NAPG: variants seen among roughly 807,000 people sequenced by gnomAD.
NAPG encodes the protein NSF attachment protein gamma.
In NAPG, 25 loss-of-function variants were observed where a neutral mutation model predicts 48.4. That is an observed-to-expected ratio of 0.52 (90% confidence interval 0.38 to 0.72). The LOEUF (loss-of-function observed/expected upper bound fraction) is 0.72, where lower values mean the gene tolerates loss of function less well. NAPG is among the 30% of genes least tolerant of loss of function. The pLI is 0.00. For missense variants in NAPG, 359 were observed against 372.5 expected, an observed-to-expected ratio of 0.96 and a Z score of 0.30; for synonymous variants, 139 against 127.2, an observed-to-expected ratio of 1.09 and a Z score of -0.62.
chr18:10,526,246 G>GGGGGGGGGGGCT, intron 1 of NAPG, 88 bp downstream of exon 1: 2 of 490,184 alleles, frequency 4.1e-6, no homozygotes, highest in Non-Finnish European at 8.3e-6. Context: ...GGGCGGGAGG[G>GGGGGGGGGGGCT]AGGGCTCAGG....
chr18:10,552,179 T>G lies in NAPG; in HGVS notation c.*1959T>G, dbSNP rs2032411426. ...AAATTTTTTAATTTTACTCTTCTTA[T>G]GTACTGAAAACTTTTTTTAAAAAAG... On this transcript the variant is annotated 3_prime_UTR_variant, in exon 12 of 12. Transcript: ENST00000322897. The G allele has an allele frequency of 6.6e-6, 1 of 152,240 alleles. No individual in the cohort carries two copies. Among genetic ancestry groups the G allele is most frequent in the Non-Finnish European group, 1.5e-5 (1 of 68,040 alleles). 9.4% of individuals were successfully genotyped at this position (152,240 alleles called of 1,614,324 possible).
intron 8 of NAPG, 126 bp downstream of exon 8, chr18:10,540,525 A>G: frequency 3.1e-6 from 2 of 639,442 alleles, no homozygotes; most frequent in Non-Finnish European, 5.4e-6. Context: ...CAGGCCACAC[A>G]ATAGAATATT....
intron 5 of NAPG, among the ~76,000 whole-genome samples, chr18:10,537,228 G>A (rs374097314): frequency 3.3e-5 from 5 of 152,034 alleles, no homozygotes; most frequent in Admixed American, 2.6e-4. Context: ...CAAAGTGCTG[G>A]GATTATAGGC....
chr18:10,530,914 T>A, intron 2 of NAPG, 77 bp downstream of exon 2: 2 of 1,135,830 alleles, frequency 1.8e-6, no homozygotes, highest in Non-Finnish European at 2.4e-6. Flanking sequence ...CCATAATACT[T>A]ACTCATATGC....
chr18:10,542,227 G>GTT lies in NAPG; in HGVS notation c.506+1839_506+1840dup, dbSNP rs565825734. ...TTTTATTCGTGACTTTGTTTTATTGGTTTTTTTTTTTTCTTTTTAGGAAAA... is the reference window on the plus strand; with the variant it reads ...TTTTATTCGTGACTTTGTTTTATTGGTTTTTTTTTTTTTTCTTTTTAGGAAAA... On this transcript the variant is annotated intron_variant, in intron 8 of 11. Transcript: ENST00000322897. This position sits in a 1 kb window ranked among gnomAD's most constrained non-coding sequence, Gnocchi z 4.5. 6.9e-6 allele frequency among the ~76,000 whole-genome samples: 1 copy of GTT among 144,994 alleles called. No individual in the cohort carries two copies. The highest frequency in any genetic ancestry group is 1.5e-5 in the Non-Finnish European group (1 of 65,620).
At chr18:10,545,208 AG>A (rs2032238070) in intron 8 of NAPG, among the ~76,000 whole-genome samples, 1 of 152,064 alleles carries the variant, frequency 6.6e-6, no homozygotes, top group African/African-American at 2.4e-5. Flanking sequence ...GCTACTCGGG[AG>A]GCTGAGGCAA....
chr18:10,526,239 C>CCTTGACCCCCGGGGGGGGGG, intron 1 of NAPG, 81 bp downstream of exon 1: 1 of 349,040 alleles, frequency 2.9e-6, no homozygotes, highest in Admixed American at 3.0e-5. Flanking sequence ...CCGGGGGGGG[C>CCTTGACCCCCGGGGGGGGGG]GGGAGGGAGG....
intron 3 of NAPG, chr18:10,533,330 A>G: frequency 2.3e-6 from 1 of 443,646 alleles, no homozygotes; most frequent in South Asian, 4.8e-5. Context: ...AAATCTGTGC[A>G]GTGTTTTGTT....
chr18:10,549,752 C>T (rs949701034), intron 11 of NAPG, among the ~76,000 whole-genome samples: 1 of 152,112 alleles, frequency 6.6e-6, no homozygotes, highest in African/African-American at 2.4e-5. Context: ...ATCAGATCAA[C>T]TTAAGGCCTT....
intron 11 of NAPG, 146 bp downstream of exon 11, chr18:10,549,242 C>T: frequency 1.1e-6 from 1 of 913,940 alleles, no homozygotes; most frequent in Non-Finnish European, 1.6e-6. Context: ...AAACTGACCA[C>T]TTGCATTGAA....
chr18:10,548,295 T>C lies in NAPG; in HGVS notation c.586-4T>C, dbSNP rs1378665342. 26 of 1,609,698 alleles carry C rather than the reference T, an allele frequency of 1.6e-5. No individual in the cohort carries two copies. Among genetic ancestry groups the C allele is most frequent in the Non-Finnish European group, 2.2e-5 (26 of 1,176,232 alleles). On this transcript the variant is annotated splice_region_variant and splice_polypyrimidine_tract_variant and intron_variant, in intron 9 of 11. Coordinates refer to ENST00000322897, the MANE Select transcript of NAPG (RefSeq NM_003826.3). This position sits in a 1 kb window ranked among gnomAD's most constrained non-coding sequence, Gnocchi z 4.4. ...TTTGACCATGATCCTCTCTTTTGTT[T>C]TAGAAAACAATTGCTCAAGTCTTAG...
At chr18:10,526,443 T>G in intron 1 of NAPG, 1 of 445,194 alleles carries the variant, frequency 2.2e-6, no homozygotes, top group South Asian at 3.2e-5. Flanking sequence ...GGCGAGGGCT[T>G]CTCTACTTGG....
rs1220560210 is a variant in NAPG at position 10,546,423 on chromosome 18, T to G, written c.585+19T>G. 7.0e-7 allele frequency: 1 copy of G among 1,423,950 alleles called. No individual in the cohort carries two copies. The highest frequency in any genetic ancestry group is 9.6e-7 in the Non-Finnish European group (1 of 1,039,144). The allele number at this position is 1,423,950 out of a possible 1,614,324, so 88.2% of individuals were successfully genotyped here. On this transcript the variant is annotated intron_variant, in intron 9 of 11. Transcript: ENST00000322897. The surrounding 1 kb of genome is among the most constrained non-coding windows in gnomAD (Gnocchi z 4.0). ...TTATAAGGTATTCTTTGAAAGTGTT[T>G]GTTTTTGGTATTACATTAGATGATT... is the stretch of plus-strand genomic sequence containing the variant.
Position 10,532,692 on chromosome 18 carries a change from A to G in NAPG, c.125-19A>G, listed in dbSNP as rs904458876. The G allele has an allele frequency of 3.3e-6, 5 of 1,529,214 alleles. No homozygotes were observed. The highest frequency in any genetic ancestry group is 2.7e-6 in the Non-Finnish European group (3 of 1,130,030). 94.7% of individuals were successfully genotyped at this position (1,529,214 alleles called of 1,614,324 possible). A position where few individuals can be genotyped will look rare whatever the true frequency, so the allele number is the denominator to read the frequency against. On this transcript the variant is annotated intron_variant, in intron 2 of 11. Transcript: ENST00000322897. Reference sequence around the variant, plus strand: ...AGGTTTTTAATGATGGAAATAGTCAATTTTTTTTTCTATTTCAGCTGTTGC... The same window carrying G: ...AGGTTTTTAATGATGGAAATAGTCAGTTTTTTTTTCTATTTCAGCTGTTGC...
Position 10,532,740 on chromosome 18 carries a change from G to T in NAPG, c.154G>T (p.Glu52Ter). 1 of 1,591,794 alleles carries T rather than the reference G, an allele frequency of 6.3e-7. No homozygotes were observed. Among genetic ancestry groups the T allele is most frequent in the Non-Finnish European group, 8.6e-7 (1 of 1,167,748 alleles). Reference sequence around the variant, plus strand: ...TGCTTTTAAAAATGCCAAACAGTTTGAGCAAGCAAAAGATGCCTGCCTGAG... The same window carrying T: ...TGCTTTTAAAAATGCCAAACAGTTTTAGCAAGCAAAAGATGCCTGCCTGAG... ...AVAFKNAKQF[E>*]QAKDACLREA... is the part of the protein sequence containing the mutation. The change falls in exon 3 of 12, where the codon GAG (glutamate) becomes TAG (stop). Residue 52 changes from glutamate to a stop codon, truncating the protein, a stop_gained. Coordinates refer to ENST00000322897, the MANE Select transcript of NAPG (RefSeq NM_003826.3). LOFTEE classifies it high-confidence loss of function.
At position 10,534,357 on chromosome 18, in the gene NAPG, G is replaced by A. The variant is rs950467690; in HGVS notation, c.228-109G>A. On this transcript the variant is annotated intron_variant, in intron 4 of 11. Coordinates refer to ENST00000322897, the MANE Select transcript of NAPG (RefSeq NM_003826.3). The surrounding 1 kb of genome is among the most constrained non-coding windows in gnomAD (Gnocchi z 5.0). Reference sequence around the variant, plus strand: ...GCCTGAAGTGATATGTTGTGCATGAGCCCATTGTAATTGAAGTCACTTTCC... The same window carrying A: ...GCCTGAAGTGATATGTTGTGCATGAACCCATTGTAATTGAAGTCACTTTCC... The A allele has an allele frequency of 3.8e-6, 3 of 791,934 alleles. No individual in the cohort carries two copies. The highest frequency in any genetic ancestry group is 1.5e-5 in the South Asian group (1 of 67,642). The allele number at this position is 791,934 out of a possible 1,614,324, so 49.1% of individuals were successfully genotyped here.
intron 1 of NAPG, among the ~76,000 whole-genome samples, chr18:10,530,427 G>A (rs1459884486): frequency 6.6e-6 from 1 of 151,966 alleles, no homozygotes; most frequent in Non-Finnish European, 1.5e-5. Context: ...AAGCTTTAAT[G>A]CACCTTTGAG....
rs1305492129 is a variant in NAPG at position 10,546,323 on chromosome 18, T to C, written c.507-3T>C. ...TTTTTTACATTTCTGTGTTTTGTTT[T>C]AGGTTTGATGAGGCGGCACTCTCTA... On this transcript the variant is annotated splice_region_variant and splice_polypyrimidine_tract_variant and intron_variant, in intron 8 of 11. Coordinates refer to ENST00000322897, the MANE Select transcript of NAPG (RefSeq NM_003826.3). The surrounding 1 kb of genome is among the most constrained non-coding windows in gnomAD (Gnocchi z 4.0). 1.3e-6 allele frequency: 2 copies of C among 1,564,318 alleles called. No individual in the cohort carries two copies. Among genetic ancestry groups the C allele is most frequent in the East Asian group, 4.5e-5 (2 of 44,074 alleles).
chr18:10,545,949 T>A (rs1026071325), intron 8 of NAPG, among the ~76,000 whole-genome samples: 10 of 152,164 alleles, frequency 6.6e-5, no homozygotes, highest in African/African-American at 2.2e-4. Flanking sequence ...GCCTTGGGTG[T>A]CTGGATGTTC....
Sources: allele counts gnomAD v4.1 joint callset (sites outside exome capture counted in the v4.1 genomes callset), GRCh38; gene constraint gnomAD v4.1.1; non-coding constraint Gnocchi (gnomAD v3.1); transcripts MANE v1.5; gene names NCBI Gene and HGNC (gene_info 2026-07-23, HGNC 2026-07-21).